The following ZNF385D variants were observed in gnomAD, a reference collection of about 807,000 sequenced individuals.
ZNF385D encodes the protein zinc finger protein 659.
Under a neutral mutation model 35.8 loss-of-function variants are expected in ZNF385D, and 15 were observed. The ratio of observed to expected loss-of-function variants is 0.42; its 90% CI spans 0.28 to 0.64. The LOEUF is 0.64. Among genes scored for constraint, ZNF385D ranks in the 30% least tolerant of loss-of-function variants. The pLI is 0.23. For missense variants in ZNF385D, 474 were observed against 494.6 expected, an observed-to-expected ratio of 0.96 and a Z score of 0.39; for synonymous variants, 212 against 186.8, an observed-to-expected ratio of 1.13 and a Z score of -1.10.
At chr3:22,112,909 A>T (rs4858379) in intron 3 of ZNF385D, among the ~76,000 whole-genome samples, 16,070 of 152,216 alleles carry the variant, frequency 0.11, 1,053 homozygotes, top group Admixed American at 0.18. Context: ...GAGATGAACA[A>T]ATGACAGTTA....
chr3:21,930,290 A>G (rs1700939947), intron 3 of ZNF385D, among the ~76,000 whole-genome samples: 1 of 150,902 alleles, frequency 6.6e-6, no homozygotes, highest in East Asian at 1.9e-4. Flanking sequence ...AAAAAAAAAA[A>G]CTAGAAACGG....
At chr3:22,278,944 G>C (rs1025007385) in intron 2 of ZNF385D, among the ~76,000 whole-genome samples, 1 of 151,958 alleles carries the variant, frequency 6.6e-6, no homozygotes, top group Non-Finnish European at 1.5e-5. Flanking sequence ...TACTCGCTGG[G>C]TTCCCTTACC....
At position 21,674,855 on chromosome 3, in the gene ZNF385D, G is replaced by T. The variant is rs1293302657; in HGVS notation, c.23-9827C>A. ...ATTCTTGACTTCTATATATTAGGAG[G>T]TTCCTGGTATCTATTAAGTGACTTG... On this transcript the variant is annotated intron_variant, in intron 1 of 7. Transcript: ENST00000281523. Among the ~76,000 whole-genome samples, 4 of 152,020 alleles carry T rather than the reference G, an allele frequency of 2.6e-5. No homozygotes were observed. In the East Asian group the frequency reaches 7.7e-4, roughly 29 times the overall value.
Position 22,239,479 on chromosome 3 carries a change from G to A in ZNF385D, c.107-70444C>T, listed in dbSNP as rs188789936. ...TTACCAGAATTCCTCTTTTATAATA[G>A]AGATATCTTTTGCTGATAACACATA... On this transcript the variant is annotated intron_variant, in intron 2 of 5. Coordinates refer to the ZNF385D transcript ENST00000494108. Among the ~76,000 whole-genome samples the A allele has an allele frequency of 5.0e-4, 75 of 150,452 alleles. 5 individuals are homozygous for A. In the East Asian group the frequency reaches 0.011, roughly 22 times the overall value.
intron 2 of ZNF385D, among the ~76,000 whole-genome samples, chr3:22,340,765 A>C (rs763208795): frequency 6.6e-6 from 1 of 152,230 alleles, no homozygotes; most frequent in Admixed American, 6.5e-5. Flanking sequence ...TATGACCAGC[A>C]TAAGTAATTA....
At position 21,425,026 on chromosome 3, in the gene ZNF385D, A is replaced by T. The variant is rs971222818; in HGVS notation, c.852+466T>A. On this transcript the variant is annotated intron_variant, in intron 6 of 7. Transcript: ENST00000281523. ...TATTGCAGGTGGCTGCAAGATCTAA[A>T]CATACAGAACAACACCATATAATAA... Among the ~76,000 whole-genome samples the T allele has an allele frequency of 3.3e-5, 5 of 152,220 alleles. No individual in the cohort carries two copies. The South Asian group carries it at 6.2e-4, about 19-fold the overall frequency.
At chr3:22,017,547 C>A (rs750898875) in intron 3 of ZNF385D, among the ~76,000 whole-genome samples, 20 of 151,968 alleles carry the variant, frequency 1.3e-4, no homozygotes, top group East Asian at 3.9e-4. Flanking sequence ...TTTATGTCTA[C>A]CATATTGTTT....
intron 5 of ZNF385D, among the ~76,000 whole-genome samples, chr3:21,426,491 G>A (rs1253989493): frequency 6.6e-6 from 1 of 152,032 alleles, no homozygotes; most frequent in South Asian, 2.1e-4. Context: ...GTTCATAATG[G>A]CAGTTTTCTC....
At chr3:21,960,898 G>A (rs1289563113) in intron 3 of ZNF385D, among the ~76,000 whole-genome samples, 1 of 152,066 alleles carries the variant, frequency 6.6e-6, no homozygotes, top group Non-Finnish European at 1.5e-5. Flanking sequence ...AAGCAGAGTA[G>A]AATCGTGGGT....
Position 22,078,540 on chromosome 3 carries a change from A to G in ZNF385D, c.325+90277T>C, listed in dbSNP as rs759018974. ...AGATGAGAGGATTTTGCAACACTGTATGAAGAAAATCAAGCAAGGCACAGT... is the reference window on the plus strand; with the variant it reads ...AGATGAGAGGATTTTGCAACACTGTGTGAAGAAAATCAAGCAAGGCACAGT... On this transcript the variant is annotated intron_variant, in intron 3 of 5. Transcript: ENST00000494108. 2.7e-4 allele frequency among the ~76,000 whole-genome samples: 41 copies of G among 152,108 alleles called. 2 individuals are homozygous for G. Among genetic ancestry groups the G allele is most frequent in the Non-Finnish European group, 3.1e-4 (21 of 67,968 alleles).
intron 2 of ZNF385D, among the ~76,000 whole-genome samples, chr3:21,661,801 G>C (rs2066244865): frequency 6.6e-6 from 1 of 152,026 alleles, no homozygotes; most frequent in South Asian, 2.1e-4. Context: ...CTATAACTCA[G>C]CTCTGATTCT....
intron 3 of ZNF385D, among the ~76,000 whole-genome samples, chr3:22,084,459 CAA>C (rs1272236078): frequency 1.3e-5 from 2 of 152,000 alleles, no homozygotes; most frequent in African/African-American, 4.8e-5. Context: ...TTTAAACCAA[CAA>C]AGATCAAAAG....
intron 3 of ZNF385D, among the ~76,000 whole-genome samples, chr3:22,119,841 C>A (rs181681114): frequency 1.3e-5 from 2 of 151,746 alleles, no homozygotes; most frequent in African/African-American, 4.8e-5. Flanking sequence ...TTAGGTATTG[C>A]GGCTTTTTAA....
intron 3 of ZNF385D, among the ~76,000 whole-genome samples, chr3:22,090,473 A>T (rs1162916475): frequency 6.6e-6 from 1 of 152,068 alleles, no homozygotes; most frequent in Non-Finnish European, 1.5e-5. Context: ...GGTGTGGGAT[A>T]GATTTTTCTG....
At chr3:21,548,949 G>A (rs1442874989) in intron 3 of ZNF385D, among the ~76,000 whole-genome samples, 5 of 151,968 alleles carry the variant, frequency 3.3e-5, no homozygotes, top group African/African-American at 1.2e-4. Context: ...ACATCACTAT[G>A]GTTTGTATGA....
At chr3:22,069,733 A>C (rs557242176) in intron 3 of ZNF385D, among the ~76,000 whole-genome samples, 1 of 152,160 alleles carries the variant, frequency 6.6e-6, no homozygotes, top group South Asian at 2.1e-4. Flanking sequence ...TGTGAAGGTA[A>C]TAAGTGCACA....
chr3:22,127,035 T>C (rs1559389170), intron 3 of ZNF385D, among the ~76,000 whole-genome samples: 2 of 152,150 alleles, frequency 1.3e-5, no homozygotes. Flanking sequence ...AATATCTTTT[T>C]CCATCTCATT....
At chr3:21,529,493 T>C (rs1387438272) in intron 3 of ZNF385D, among the ~76,000 whole-genome samples, 3 of 152,180 alleles carry the variant, frequency 2.0e-5, no homozygotes, top group Non-Finnish European at 4.4e-5. Flanking sequence ...AGAAAGATTT[T>C]TTTAAAAATT....
At chr3:22,344,865 A>G (rs970730495) in intron 2 of ZNF385D, among the ~76,000 whole-genome samples, 4 of 152,154 alleles carry the variant, frequency 2.6e-5, no homozygotes, top group African/African-American at 9.7e-5. Context: ...TCACCAACTA[A>G]ACTATTTAAA....
Sources: allele counts gnomAD v4.1 joint callset (sites outside exome capture counted in the v4.1 genomes callset), GRCh38; gene constraint gnomAD v4.1.1; transcripts MANE v1.5; gene names NCBI Gene and HGNC (gene_info 2026-07-23, HGNC 2026-07-21).